UNC13C: variants seen among roughly 807,000 people sequenced by gnomAD.
The protein encoded by UNC13C is unc-13 homolog C.
A neutral mutation model predicts 245.4 loss-of-function variants in UNC13C; 174 were observed. The observed-to-expected ratio is 0.71, with a 90% CI of 0.63 to 0.80. The LOEUF is 0.80. UNC13C is among the 30% of genes least tolerant of loss of function. The probability of loss-of-function intolerance (pLI) is 0.00; values close to 1 mark genes in which losing one functional copy is unlikely to be tolerated. For synonymous variants in UNC13C, 992 were observed against 895.1 expected (o/e 1.11, Z -1.93); for missense variants, 2,829 against 2,602.9 (o/e 1.09, Z -1.89).
intron 2 of UNC13C, among the ~76,000 whole-genome samples, chr15:54,142,372 G>C (rs2032063152): frequency 6.6e-6 from 1 of 152,162 alleles, no homozygotes; most frequent in Non-Finnish European, 1.5e-5. Flanking sequence ...AGGAGCCCTG[G>C]ATTTGTGTCC....
At chr15:54,228,007 C>T (rs1418820376) in intron 4 of UNC13C, among the ~76,000 whole-genome samples, 1 of 152,140 alleles carries the variant, frequency 6.6e-6, no homozygotes, top group African/African-American at 2.4e-5. Flanking sequence ...AAGTCAGAAA[C>T]TTTAGGAATC....
intron 19 of UNC13C, among the ~76,000 whole-genome samples, chr15:54,482,357 A>T (rs1330273693): frequency 6.6e-6 from 1 of 151,690 alleles, no homozygotes; most frequent in Non-Finnish European, 1.5e-5. Flanking sequence ...CCCAGCGTGA[A>T]CTCCTTCTTT....
At chr15:54,574,211 C>A (rs1223052325) in intron 30 of UNC13C, among the ~76,000 whole-genome samples, 1 of 152,042 alleles carries the variant, frequency 6.6e-6, no homozygotes, top group African/African-American at 2.4e-5. Flanking sequence ...TTTAATGTAA[C>A]ATTAGCAGAA....
intron 2 of UNC13C, among the ~76,000 whole-genome samples, chr15:54,029,290 C>G (rs989889765): frequency 2.0e-5 from 3 of 152,186 alleles, no homozygotes; most frequent in African/African-American, 7.2e-5. Flanking sequence ...ACATAGGGAA[C>G]CAAATAAGTC....
intron 29 of UNC13C, among the ~76,000 whole-genome samples, chr15:54,566,963 G>A (rs1371373197): frequency 5.3e-5 from 8 of 151,956 alleles, no homozygotes; most frequent in East Asian, 1.9e-4. Context: ...AAAGAGAACC[G>A]TTTATCTAAA....
At chr15:54,075,441 CAGTGAG>C (rs1898550885) in intron 2 of UNC13C, among the ~76,000 whole-genome samples, 1 of 104,836 alleles carries the variant, frequency 9.5e-6, no homozygotes, top group African/African-American at 2.8e-5. Context: ...CCGGAGCTTG[CAGTGAG>C]CCGGAGCTTG....
At chr15:54,161,340 G>C (rs2032965416) in intron 4 of UNC13C, among the ~76,000 whole-genome samples, 1 of 151,792 alleles carries the variant, frequency 6.6e-6, no homozygotes, top group Non-Finnish European at 1.5e-5. Flanking sequence ...GAGATCTTGT[G>C]CTTTTATGTT....
intron 30 of UNC13C, among the ~76,000 whole-genome samples, chr15:54,619,423 C>A (rs1900658060): frequency 6.6e-6 from 1 of 152,120 alleles, no homozygotes; most frequent in Non-Finnish European, 1.5e-5. Flanking sequence ...TGGCCAAGTC[C>A]ATCTTTTGAT....
chr15:54,632,719 T>C (rs369544224), downstream of UNC13C: 5 of 152,354 alleles, frequency 3.3e-5, no homozygotes, highest in East Asian at 9.6e-4. Flanking sequence ...ATCTCTAGTC[T>C]GTTCCATTGA....
intron 30 of UNC13C, among the ~76,000 whole-genome samples, chr15:54,620,310 A>T (rs1900714505): frequency 6.6e-6 from 1 of 152,152 alleles, no homozygotes; most frequent in African/African-American, 2.4e-5. Flanking sequence ...GCCGACAAGC[A>T]ATTTGAGAAA....
intron 2 of UNC13C, among the ~76,000 whole-genome samples, chr15:54,122,354 G>A (rs1420284363): frequency 6.6e-6 from 1 of 151,912 alleles, no homozygotes; most frequent in Admixed American, 6.6e-5. Context: ...GTTTTTGGTA[G>A]TTGTGAATAA....
intron 31 of UNC13C, 139 bp downstream of exon 31, chr15:54,622,558 C>A: frequency 1.7e-6 from 1 of 599,984 alleles, no homozygotes; most frequent in Non-Finnish European, 2.9e-6. Flanking sequence ...TAATGAAACC[C>A]AAACTTTTGA....
chr15:54,394,565 A>G (rs111737236), intron 18 of UNC13C, among the ~76,000 whole-genome samples: 4 of 151,866 alleles, frequency 2.6e-5, no homozygotes, highest in African/African-American at 7.2e-5. Context: ...TCTTGAGGAC[A>G]GAGTAGTTTT....
At chr15:53,950,092 A>G in the UNC13C span, among the ~76,000 whole-genome samples, 1 of 152,214 alleles carries the variant, frequency 6.6e-6, no homozygotes, top group Non-Finnish European at 1.5e-5. Flanking sequence ...TGTTGGGGGA[A>G]AAATCCACAT....
At chr15:53,913,630 A>G in the UNC13C span, 1 of 152,230 alleles carries the variant, frequency 6.6e-6, no homozygotes, top group Non-Finnish European at 1.5e-5. Context: ...ACAGACATCC[A>G]CTTTAGCAAA....
intron 4 of UNC13C, among the ~76,000 whole-genome samples, chr15:54,210,164 A>G (rs2140746838): frequency 6.6e-6 from 1 of 150,502 alleles, no homozygotes; most frequent in East Asian, 1.9e-4. Flanking sequence ...CCAGAAATGA[A>G]ATAAATATTT....
chr15:54,143,724 G>T (rs1273216620), intron 4 of UNC13C, 40 bp downstream of exon 4: 5 of 1,518,618 alleles, frequency 3.3e-6, no homozygotes, highest in Admixed American at 3.4e-5. Flanking sequence ...TCCATTCATA[G>T]ATGGCACTTG....
intron 4 of UNC13C, among the ~76,000 whole-genome samples, chr15:54,159,125 C>T (rs1312612437): frequency 2.6e-5 from 4 of 152,168 alleles, no homozygotes. Flanking sequence ...CTTTCTGTAC[C>T]ACACCATTAA....
chr15:54,099,392 A>G (rs935552571), intron 2 of UNC13C, among the ~76,000 whole-genome samples: 3 of 152,196 alleles, frequency 2.0e-5, no homozygotes, highest in African/African-American at 7.2e-5. Flanking sequence ...AGCAAACCCC[A>G]GTAAGTGGTC....
Sources: gnomAD v4.1 joint callset for allele counts (sites outside exome capture counted in the v4.1 genomes callset) on GRCh38, gnomAD v4.1.1 for gene constraint, MANE v1.5 for transcripts, NCBI Gene and HGNC (gene_info 2026-07-23, HGNC 2026-07-21) for gene names.